Variants in AK9 observed in about 807,000 individuals in gnomAD.
AK9 encodes adenylate kinase 9.
Under a neutral mutation model 239.6 loss-of-function variants are expected in AK9, and 191 were observed. That is an observed-to-expected ratio of 0.80 (90% CI 0.71 to 0.90). The LOEUF (loss-of-function observed/expected upper bound fraction) is 0.90. Ranked by LOEUF, AK9 falls within the 40% of genes least tolerant of loss-of-function variation. AK9 has a pLI of 0.00. For missense variants in AK9, 1,995 were observed against 2,214.7 expected, an observed-to-expected ratio of 0.90 and a Z score of 1.99; for synonymous variants, 689 against 721.0, an observed-to-expected ratio of 0.96 and a Z score of 0.71.
intron 24 of AK9, among the ~76,000 whole-genome samples, chr6:109,551,242 G>A (rs748028442): frequency 3.3e-5 from 5 of 152,084 alleles, no homozygotes; most frequent in South Asian, 4.1e-4. Context: ...CCTTGGCTGC[G>A]TGCGGGGGCT....
chr6:109,567,882 TA>T (rs71018349), intron 21 of AK9, among the ~76,000 whole-genome samples: 77,629 of 132,636 alleles, frequency 0.59, 21,940 homozygotes, highest in South Asian at 0.77. Context: ...TAAAGTAAAA[TA>T]AAAAAAAAAA....
intron 8 of AK9, among the ~76,000 whole-genome samples, chr6:109,649,121 C>G (rs990936333): frequency 6.6e-6 from 1 of 152,044 alleles, no homozygotes; most frequent in Non-Finnish European, 1.5e-5. Flanking sequence ...TATGACAAAC[C>G]CACAGCGAAT....
chr6:109,568,504 T>C (rs986373885), intron 21 of AK9, among the ~76,000 whole-genome samples: 4 of 152,164 alleles, frequency 2.6e-5, no homozygotes, highest in African/African-American at 9.7e-5. Flanking sequence ...TGTTTGCAAA[T>C]GACATGATTG....
intron 13 of AK9, 119 bp from the exon 14 acceptor site, chr6:109,614,599 A>G: frequency 1.3e-6 from 1 of 764,378 alleles, no homozygotes; most frequent in African/African-American, 1.7e-5. Context: ...CTGACTTATA[A>G]GCTGTAAGGG....
chr6:109,675,372 C>T (rs192974144), intron 2 of AK9, among the ~76,000 whole-genome samples: 60 of 152,210 alleles, frequency 3.9e-4, no homozygotes, highest in African/African-American at 1.3e-3. Flanking sequence ...ATCTAGTCTA[C>T]CACTGATGGG....
chr6:109,610,455 C>T lies in AK9; in HGVS notation c.1752G>A (p.Met584Ile). 6.4e-7 allele frequency: 1 copy of T among 1,551,422 alleles called. No homozygotes were observed. Among genetic ancestry groups the T allele is most frequent in the South Asian group, 1.2e-5 (1 of 84,050 alleles). The change falls in exon 17 of 41, where the codon ATG (methionine) becomes ATA (isoleucine). Residue 584 changes from methionine to isoleucine, a missense_variant. This residue lies in a region of AK9 where 1,290 missense variants were observed against 1,392.7 expected (regional missense o/e 0.93). Transcript: ENST00000424296. ...GTGACATTTTTATAGTCTCTTCAAT[C>T]ATGGTCACAACCTCTGGATGATCTG... The part of the protein sequence containing the change: ...VTADHPEVVT[M>I]IEETIKMSQD...
At chr6:109,580,798 GT>G (rs1286592490) in intron 19 of AK9, among the ~76,000 whole-genome samples, 3 of 152,262 alleles carry the variant, frequency 2.0e-5, no homozygotes, top group African/African-American at 7.2e-5. Context: ...ACTGAGTGTT[GT>G]TTCTGAACTC....
At chr6:109,640,577 A>G (rs1167922091) in intron 10 of AK9, among the ~76,000 whole-genome samples, 1 of 149,410 alleles carries the variant, frequency 6.7e-6, no homozygotes, top group Non-Finnish European at 1.5e-5. Flanking sequence ...CTCCACCCCA[A>G]TTTTTTTTTT....
chr6:109,518,919 A>G (rs1779543095), intron 29 of AK9, among the ~76,000 whole-genome samples: 1 of 152,092 alleles, frequency 6.6e-6, no homozygotes, highest in African/African-American at 2.4e-5. Flanking sequence ...TCACCCGGAT[A>G]GTCAGCATAG....
At chr6:109,684,664 G>T (rs1408120182) in intron 1 of AK9, among the ~76,000 whole-genome samples, 1 of 148,968 alleles carries the variant, frequency 6.7e-6, no homozygotes, top group Admixed American at 6.6e-5. Flanking sequence ...CACGAGGTCA[G>T]GAGATTGAGA....
chr6:109,592,838 A>G (rs1472721980), intron 17 of AK9, among the ~76,000 whole-genome samples: 1 of 151,992 alleles, frequency 6.6e-6, no homozygotes, highest in Non-Finnish European at 1.5e-5. Context: ...TGATGACTAT[A>G]TGCCTTGGTG....
chr6:109,569,307 G>T (rs1787049693), intron 21 of AK9, among the ~76,000 whole-genome samples: 1 of 152,102 alleles, frequency 6.6e-6, no homozygotes, highest in Non-Finnish European at 1.5e-5. Flanking sequence ...TTAAATGTTA[G>T]ACCTAAAACC....
rs1583431475 is a variant in AK9 at position 109,651,014 on chromosome 6, A to T, written c.759+5742T>A. ...CCAAACACTGCATGTTCTCACTCAT[A>T]GGTGGGAATTGAACAATGACAACAC... On this transcript the variant is annotated intron_variant, in intron 8 of 40. Coordinates refer to ENST00000424296, the MANE Select transcript of AK9 (RefSeq NM_001145128.3). Among the ~76,000 whole-genome samples the T allele has an allele frequency of 3.3e-5, 5 of 151,334 alleles. No individual in the cohort carries two copies. In the Middle Eastern group the frequency reaches 0.014, roughly 412 times the overall value.
intron 24 of AK9, among the ~76,000 whole-genome samples, chr6:109,551,405 G>C (rs1236029893): frequency 6.6e-6 from 1 of 151,716 alleles, no homozygotes; most frequent in Non-Finnish European, 1.5e-5. Context: ...TGTAATCCCA[G>C]CTATTCAGGA....
intron 9 of AK9, 83 bp from the exon 10 acceptor site, chr6:109,641,699 A>C: frequency 8.2e-7 from 1 of 1,226,114 alleles, no homozygotes; most frequent in Non-Finnish European, 1.2e-6. Context: ...TTATGAGCCA[A>C]GACCATGCTC....
chr6:109,683,348 A>T (rs1178863786), intron 1 of AK9, among the ~76,000 whole-genome samples: 1 of 152,210 alleles, frequency 6.6e-6, no homozygotes, highest in Non-Finnish European at 1.5e-5. Flanking sequence ...CAAAACAAGG[A>T]TGCCCACTCT....
intron 7 of AK9, 104 bp downstream of exon 7, chr6:109,659,124 A>C: frequency 3.0e-6 from 4 of 1,320,170 alleles, no homozygotes; most frequent in Non-Finnish European, 4.0e-6. Flanking sequence ...GATGTAAAGA[A>C]AATGTATAGC....
At chr6:109,625,228 C>T (rs1013061059) in intron 12 of AK9, among the ~76,000 whole-genome samples, 7 of 152,168 alleles carry the variant, frequency 4.6e-5, no homozygotes, top group South Asian at 4.2e-4. Flanking sequence ...GTCTTTTATC[C>T]GAAAATGTCT....
At chr6:109,600,687 G>C (rs1005383587) in intron 17 of AK9, among the ~76,000 whole-genome samples, 82 of 152,236 alleles carry the variant, frequency 5.4e-4, no homozygotes, top group African/African-American at 1.9e-3. Context: ...GGTAGAATTC[G>C]GCTGTGAATC....
Sources: allele counts gnomAD v4.1 joint callset (sites outside exome capture counted in the v4.1 genomes callset), GRCh38; gene constraint gnomAD v4.1.1; regional missense constraint gnomAD v4.1.1; transcripts MANE v1.5; gene names NCBI Gene and HGNC (gene_info 2026-07-23, HGNC 2026-07-21).